Variants in ADCY9 observed in about 807,000 individuals in gnomAD.
ADCY9 encodes the protein adenylate cyclase type 9.
In ADCY9, 50 loss-of-function variants were observed where a neutral mutation model predicts 101.5. The ratio of observed to expected loss-of-function variants is 0.49; its 90% confidence interval spans 0.39 to 0.62. The LOEUF (loss-of-function observed/expected upper bound fraction) is 0.62. Among genes scored for constraint, ADCY9 ranks in the 20% least tolerant of loss-of-function variants. The pLI is 0.00. For missense variants in ADCY9, 1,662 were observed against 1,800.4 expected, an observed-to-expected ratio of 0.92 and a Z score of 1.39; for synonymous variants, 905 against 769.3, an observed-to-expected ratio of 1.18 and a Z score of -2.92.
chr16:4,057,503 C>T (rs980930242), intron 2 of ADCY9, among the ~76,000 whole-genome samples: 1 of 152,126 alleles, frequency 6.6e-6, no homozygotes, highest in African/African-American at 2.4e-5. Flanking sequence ...CGCCGGCCAC[C>T]GTTCTGTCTC....
intron 2 of ADCY9, among the ~76,000 whole-genome samples, chr16:4,097,450 TTACATATATATA>T (rs1251329400): frequency 7.4e-5 from 2 of 26,890 alleles, no homozygotes; most frequent in Non-Finnish European, 1.5e-4. Flanking sequence ...ACATGTGGAG[TTACATATATATA>T]TATATATATA....
chr16:4,051,499 G>C (rs910759402), intron 2 of ADCY9, among the ~76,000 whole-genome samples: 1 of 151,218 alleles, frequency 6.6e-6, no homozygotes, highest in African/African-American at 2.4e-5. Context: ...ACTCCCACCT[G>C]GGCAACAGAG....
intron 2 of ADCY9, among the ~76,000 whole-genome samples, chr16:4,055,960 G>A (rs532382742): frequency 9.2e-5 from 14 of 152,304 alleles, no homozygotes; most frequent in Admixed American, 9.1e-4. Flanking sequence ...TACAAGCGCT[G>A]CAACGACTGG....
intron 2 of ADCY9, among the ~76,000 whole-genome samples, chr16:4,039,701 A>G (rs1300351211): frequency 6.9e-6 from 1 of 145,894 alleles, no homozygotes; most frequent in East Asian, 2.0e-4. Context: ...AAAAAAAAAA[A>G]GCAGGATTGC....
rs140352169 is a variant in ADCY9, at chr16:4,098,057, C to T, written c.1693+15693G>A. Among the ~76,000 whole-genome samples the T allele has an allele frequency of 3.9e-4, 59 of 152,086 alleles. No individual in the cohort carries two copies. In the East Asian group the frequency reaches 9.7e-3, roughly 25 times the overall value. On this transcript the variant is annotated intron_variant, in intron 2 of 10. Coordinates refer to ENST00000294016, the MANE Select transcript of ADCY9 (RefSeq NM_001116.4). ...AAGCTGGAAAAGAGAGTGGCTGGCCCATAGCTCCAGGAGGCACTGTTGAAA... is the reference window on the plus strand; with the variant it reads ...AAGCTGGAAAAGAGAGTGGCTGGCCTATAGCTCCAGGAGGCACTGTTGAAA...
At chr16:4,107,550 C>CA (rs61565312) in intron 2 of ADCY9, among the ~76,000 whole-genome samples, 7,042 of 72,350 alleles carry the variant, frequency 0.097, 1,690 homozygotes, top group East Asian at 0.28. Flanking sequence ...GACTCTGTCT[C>CA]AAAAAAAAAA....
chr16:4,097,487 T>TAGACACACACAC (rs76750792), intron 2 of ADCY9, among the ~76,000 whole-genome samples: 1 of 72,508 alleles, frequency 1.4e-5, no homozygotes, highest in Non-Finnish European at 2.7e-5. Flanking sequence ...TATATATATA[T>TAGACACACACAC]ACACACACAC....
At chr16:4,067,107 A>G (rs1363505693) in intron 2 of ADCY9, among the ~76,000 whole-genome samples, 1 of 152,204 alleles carries the variant, frequency 6.6e-6, no homozygotes, top group East Asian at 1.9e-4. Flanking sequence ...ATAACTTAAA[A>G]AAAATTAGAA....
intron 2 of ADCY9, among the ~76,000 whole-genome samples, chr16:4,010,553 C>G (rs796245215): frequency 2.6e-5 from 4 of 152,348 alleles, no homozygotes; most frequent in African/African-American, 9.6e-5. Flanking sequence ...TTACTACACA[C>G]TGATGGGTGC....
chr16:4,065,259 C>G (rs1315694376), intron 2 of ADCY9, among the ~76,000 whole-genome samples: 1 of 152,166 alleles, frequency 6.6e-6, no homozygotes, highest in Non-Finnish European at 1.5e-5. Context: ...TTCACTCTCC[C>G]CGCAACCTGC....
intron 7 of ADCY9, 122 bp from the exon 8 acceptor site, chr16:3,979,397 G>T: frequency 8.3e-7 from 1 of 1,204,222 alleles, no homozygotes; most frequent in Non-Finnish European, 1.2e-6. Flanking sequence ...CCCTGGGATG[G>T]GCGTGAGAGC....
intron 2 of ADCY9, among the ~76,000 whole-genome samples, chr16:4,045,947 C>T (rs867178805): frequency 7.0e-6 from 1 of 142,442 alleles, no homozygotes; most frequent in Admixed American, 7.6e-5. Flanking sequence ...TAGGCTCAAG[C>T]GATCCTCCCA....
chr16:3,991,397 G>T (rs942251151), intron 5 of ADCY9, among the ~76,000 whole-genome samples: 1 of 152,040 alleles, frequency 6.6e-6, no homozygotes, highest in African/African-American at 2.4e-5. Flanking sequence ...CCTGGCCAGA[G>T]GGAGAGCCTG....
intron 2 of ADCY9, among the ~76,000 whole-genome samples, chr16:4,056,133 G>A (rs555585009): frequency 1.0e-3 from 156 of 152,330 alleles, no homozygotes; most frequent in African/African-American, 3.4e-3. Context: ...AGAAAATTCT[G>A]TGACATCAGG....
intron 10 of ADCY9, among the ~76,000 whole-genome samples, chr16:3,968,996 C>A (rs529769126): frequency 2.0e-5 from 3 of 152,184 alleles, no homozygotes; most frequent in Non-Finnish European, 4.4e-5. Flanking sequence ...CAGGTGCACG[C>A]CACCATGCCC....
At chr16:4,040,535 C>A (rs930901116) in intron 2 of ADCY9, among the ~76,000 whole-genome samples, 1 of 151,538 alleles carries the variant, frequency 6.6e-6, no homozygotes, top group African/African-American at 2.4e-5. Flanking sequence ...CGGCTCACTG[C>A]AATCTCCACC....
rs567821186 is a variant in ADCY9 at position 4,098,247 on chromosome 16, GT to G, written c.1693+15502del. On this transcript the variant is annotated intron_variant, in intron 2 of 10. Transcript: ENST00000294016. ...TTGTTTTGTTTTGTTTTTGTTTTTG[GT>G]TTTTTTTTTTGAGACAGAATCTCAC... Among the ~76,000 whole-genome samples the G allele has an allele frequency of 2.3e-4, 34 of 145,716 alleles. No homozygotes were observed. The South Asian group carries it at 3.1e-3, about 13-fold the overall frequency.
At chr16:3,975,573 C>T (rs539394516) in intron 9 of ADCY9, among the ~76,000 whole-genome samples, 119 of 152,260 alleles carry the variant, frequency 7.8e-4, no homozygotes, top group African/African-American at 2.3e-3. Context: ...TTGGCAACAG[C>T]AATGCCACTC....
chr16:4,039,804 C>T (rs1597184243), intron 2 of ADCY9, among the ~76,000 whole-genome samples: 2 of 151,638 alleles, frequency 1.3e-5, no homozygotes, highest in African/African-American at 4.8e-5. Context: ...TTTGGGAGGT[C>T]GAGGCAGGCG....
Sources: gnomAD v4.1 joint callset for allele counts (sites outside exome capture counted in the v4.1 genomes callset) on GRCh38, gnomAD v4.1.1 for gene constraint, MANE v1.5 for transcripts, NCBI Gene and HGNC (gene_info 2026-07-23, HGNC 2026-07-21) for gene names.